MAEL: variants seen among roughly 807,000 people sequenced by gnomAD.
MAEL encodes maelstrom spermatogenic transposon silencer.
A neutral mutation model predicts 62.0 loss-of-function variants in MAEL; 46 were observed. That is an observed-to-expected ratio of 0.74 (90% CI 0.59 to 0.95). The LOEUF (loss-of-function observed/expected upper bound fraction) is 0.95, where lower values mean the gene tolerates loss of function less well. MAEL is among the 40% of genes least tolerant of loss of function. The pLI is 0.00. For synonymous variants in MAEL, 172 were observed against 175.5 expected (o/e 0.98, Z 0.16); for missense variants, 497 against 526.8 (o/e 0.94, Z 0.55).
chr1:166,980,197 A>ATT (rs879458271), intron 1 of MAEL, among the ~76,000 whole-genome samples: 1 of 145,356 alleles, frequency 6.9e-6, no homozygotes, highest in African/African-American at 2.5e-5. Flanking sequence ...TTTAATTTGT[A>ATT]TTTTTTTTTT....
chr1:166,996,350 T>G (rs543660593), intron 5 of MAEL, among the ~76,000 whole-genome samples: 1 of 152,222 alleles, frequency 6.6e-6, no homozygotes, highest in South Asian at 2.1e-4. Context: ...GTCCTGGTGC[T>G]TCTCCTTCCC....
At chr1:167,017,160 G>C (rs1378310924) in intron 9 of MAEL, among the ~76,000 whole-genome samples, 1 of 152,260 alleles carries the variant, frequency 6.6e-6, no homozygotes, top group East Asian at 1.9e-4. Flanking sequence ...ATAATACAAA[G>C]GATGAATACT....
At chr1:167,003,580 T>C (rs1299603272) in intron 5 of MAEL, among the ~76,000 whole-genome samples, 1 of 152,228 alleles carries the variant, frequency 6.6e-6, no homozygotes, top group African/African-American at 2.4e-5. Flanking sequence ...CAGCTTCCTC[T>C]TCTGGAATTG....
intron 1 of MAEL, among the ~76,000 whole-genome samples, chr1:166,983,748 T>C (rs1215005440): frequency 6.6e-6 from 1 of 151,966 alleles, no homozygotes; most frequent in Non-Finnish European, 1.5e-5. Flanking sequence ...ACACCTGTAA[T>C]CCCAGCACTT....
intron 5 of MAEL, among the ~76,000 whole-genome samples, chr1:167,003,303 C>T (rs1029131815): frequency 3.9e-5 from 6 of 152,122 alleles, no homozygotes; most frequent in African/African-American, 2.4e-5. Context: ...GTAATTTGAT[C>T]GCCTCAGACA....
At chr1:167,017,058 C>T (rs1457072461) in intron 9 of MAEL, among the ~76,000 whole-genome samples, 2 of 151,924 alleles carry the variant, frequency 1.3e-5, no homozygotes, top group East Asian at 3.9e-4. Flanking sequence ...ATGAATAAGG[C>T]CTAGTATTTG....
chr1:166,979,446 C>T (rs1257276719), intron 1 of MAEL, among the ~76,000 whole-genome samples: 3 of 151,894 alleles, frequency 2.0e-5, no homozygotes, highest in African/African-American at 7.3e-5. Flanking sequence ...AGACTCTAGG[C>T]ACCGTATACT....
At chr1:166,977,202 T>A (rs1242109914) in intron 1 of MAEL, among the ~76,000 whole-genome samples, 2 of 152,228 alleles carry the variant, frequency 1.3e-5, no homozygotes, top group African/African-American at 4.8e-5. Context: ...TCCCCAGCAA[T>A]TCTTTGAGCC....
At chr1:166,988,606 A>G (rs1664007472), upstream of MAEL, among the ~76,000 whole-genome samples, 2 of 152,114 alleles carry the variant, frequency 1.3e-5, no homozygotes, top group Admixed American at 1.3e-4. Context: ...CAGGACCAAC[A>G]CTAAAATCAA....
intron 5 of MAEL, among the ~76,000 whole-genome samples, chr1:166,995,693 A>T (rs1475446985): frequency 2.0e-5 from 3 of 152,112 alleles, no homozygotes; most frequent in African/African-American, 4.8e-5. Context: ...AAAAAATAAA[A>T]AAAAAATGGA....
chr1:167,001,429 A>G lies in MAEL; in HGVS notation c.524-2751A>G, dbSNP rs7545823. ...CTACGGAAATAAAAACATTTTTTAA[A>G]AAAGATCTTTCGCCAGCAAAAAGAT... On this transcript the variant is annotated intron_variant, in intron 5 of 11. Coordinates refer to ENST00000367872, the MANE Select transcript of MAEL (RefSeq NM_032858.3). Among the ~76,000 whole-genome samples, 970 of 152,340 alleles carry G rather than the reference A, an allele frequency of 6.4e-3. 11 individuals carry two copies. Among genetic ancestry groups the G allele is most frequent in the African/African-American group, 0.022 (926 of 41,558 alleles).
intron 5 of MAEL, among the ~76,000 whole-genome samples, chr1:166,995,514 A>C (rs894910331): frequency 6.6e-6 from 1 of 152,102 alleles, no homozygotes; most frequent in Non-Finnish European, 1.5e-5. Context: ...TGCTGGGATT[A>C]CAGGCGTGAG....
At chr1:166,995,873 T>C (rs1326783846) in intron 5 of MAEL, among the ~76,000 whole-genome samples, 1 of 152,200 alleles carries the variant, frequency 6.6e-6, no homozygotes, top group Non-Finnish European at 1.5e-5. Flanking sequence ...CTTAAAAATC[T>C]ATTTTTGACG....
upstream of MAEL, among the ~76,000 whole-genome samples, chr1:166,986,131 AT>A (rs1663905975): frequency 6.6e-6 from 1 of 152,208 alleles, no homozygotes; most frequent in South Asian, 2.1e-4. Context: ...ACTATGCAAA[AT>A]GAAACAGAGA....
rs1240058382 is a variant in MAEL at position 167,022,081 on chromosome 1, A to G, written c.*226A>G. On this transcript the variant is annotated 3_prime_UTR_variant, in exon 12 of 12. Coordinates refer to ENST00000367872, the MANE Select transcript of MAEL (RefSeq NM_032858.3). ...TCTGCTTCCTGGCTGTATGATGGGTATATCATTAAAGTTTGGAGTCCTATA... is the reference window on the plus strand; with the variant it reads ...TCTGCTTCCTGGCTGTATGATGGGTGTATCATTAAAGTTTGGAGTCCTATA... 8 of 447,632 alleles carry G rather than the reference A, an allele frequency of 1.8e-5. No homozygotes were observed. The highest frequency in any genetic ancestry group is 2.4e-5 in the Non-Finnish European group (6 of 254,020). The allele number at this position is 447,632 out of a possible 1,614,324, so 27.7% of individuals were successfully genotyped here. A position where few individuals can be genotyped will look rare whatever the true frequency, so the allele number is the denominator to read the frequency against.
chr1:166,984,268 G>A (rs149901406), upstream of MAEL, among the ~76,000 whole-genome samples: 10 of 152,062 alleles, frequency 6.6e-5, no homozygotes, highest in Non-Finnish European at 1.0e-4. Context: ...CTTTCTGTTC[G>A]AGGTTGCCAT....
At chr1:166,979,875 G>GA (rs1394875302) in intron 1 of MAEL, among the ~76,000 whole-genome samples, 9 of 151,620 alleles carry the variant, frequency 5.9e-5, no homozygotes, top group East Asian at 1.9e-4. Flanking sequence ...ATAATGTGCA[G>GA]AAAAAAAGAA....
chr1:166,983,392 T>C (rs896676310), intron 1 of MAEL, among the ~76,000 whole-genome samples: 1 of 152,168 alleles, frequency 6.6e-6, no homozygotes, highest in African/African-American at 2.4e-5. Context: ...CTCTCTTCAC[T>C]CTCTCCTTAG....
Position 166,989,718 on chromosome 1 carries a change from C to G in MAEL, c.133-19C>G. The G allele has an allele frequency of 6.2e-7, 1 of 1,609,742 alleles. No homozygotes were observed. Among genetic ancestry groups the G allele is most frequent in the Non-Finnish European group, 8.5e-7 (1 of 1,177,678 alleles). The stretch of plus-strand genomic sequence containing the variant: ...TCCTCACGGCTGTTTCTCTTCTTTG[C>G]TCCTTCAATCCCCAAAAGCTTCTGA... On this transcript the variant is annotated intron_variant, in intron 1 of 11. Coordinates refer to ENST00000367872, the MANE Select transcript of MAEL (RefSeq NM_032858.3).
Sources: allele counts gnomAD v4.1 joint callset (sites outside exome capture counted in the v4.1 genomes callset), GRCh38; gene constraint gnomAD v4.1.1; transcripts MANE v1.5; gene names NCBI Gene and HGNC (gene_info 2026-07-23, HGNC 2026-07-21).